Variants in GBA2 observed in about 807,000 individuals in gnomAD.
GBA2 encodes the protein non-lysosomal glucosylceramidase.
A neutral mutation model predicts 112.9 loss-of-function variants in GBA2; 79 were observed. The observed-to-expected ratio is 0.70, with a 90% confidence interval of 0.58 to 0.84. GBA2 has a LOEUF of 0.84. GBA2 is among the 40% of genes least tolerant of loss of function. The probability of loss-of-function intolerance (pLI) is 0.00; values close to 1 mark genes in which losing one functional copy is unlikely to be tolerated. For missense variants in GBA2, 1,043 were observed against 1,190.0 expected, an observed-to-expected ratio of 0.88 and a Z score of 1.82; for synonymous variants, 403 against 434.3, an observed-to-expected ratio of 0.93 and a Z score of 0.90.
chr9:35,742,826 C>T (rs1029467334), intron 3 of GBA2, among the ~76,000 whole-genome samples: 1 of 152,154 alleles, frequency 6.6e-6, no homozygotes, highest in African/African-American at 2.4e-5. Flanking sequence ...GATTAATATC[C>T]CTTTCCCTGG....
chr9:35,744,565 C>T (rs368570397), intron 2 of GBA2, 50 bp downstream of exon 2: 10 of 1,204,830 alleles, frequency 8.3e-6, no homozygotes, highest in South Asian at 1.2e-5. Flanking sequence ...CTGTGGTAGA[C>T]CTGGAGGCTA....
At chr9:35,748,271 T>G in intron 1 of GBA2, 75 bp downstream of exon 1, 1 of 924,704 alleles carries the variant, frequency 1.1e-6, no homozygotes, top group South Asian at 1.6e-5. Flanking sequence ...TTCTTGCCCT[T>G]TCCCACCTCT....
intron 3 of GBA2, 159 bp from the exon 4 acceptor site, chr9:35,742,049 C>T: frequency 3.1e-6 from 2 of 642,280 alleles, no homozygotes; most frequent in Non-Finnish European, 2.8e-6. Context: ...TCACCAAGTC[C>T]TGCTACCTCC....
intron 3 of GBA2, among the ~76,000 whole-genome samples, chr9:35,743,022 A>G (rs1322079783): frequency 6.6e-6 from 1 of 152,254 alleles, no homozygotes; most frequent in Non-Finnish European, 1.5e-5. Flanking sequence ...ATGAGGTATT[A>G]TAAGTAATCT....
intron 3 of GBA2, among the ~76,000 whole-genome samples, chr9:35,744,055 A>C (rs780425328): frequency 1.3e-5 from 2 of 152,134 alleles, no homozygotes; most frequent in African/African-American, 2.4e-5. Flanking sequence ...AGTGAGGTAG[A>C]CAGGAGGCAT....
Position 35,742,611 on chromosome 9 carries a change from C to T in GBA2, c.568-721G>A, listed in dbSNP as rs376040430. On this transcript the variant is annotated intron_variant, in intron 3 of 16. Coordinates refer to ENST00000378103, the MANE Select transcript of GBA2 (RefSeq NM_020944.3). ...GTATGGATTCTTCTGAGGGTAGGGACATTTTTTAATTCACTGATGCACCCT... is the reference window on the plus strand; with the variant it reads ...GTATGGATTCTTCTGAGGGTAGGGATATTTTTTAATTCACTGATGCACCCT... Among the ~76,000 whole-genome samples the T allele has an allele frequency of 3.7e-4, 57 of 152,264 alleles. No individual in the cohort carries two copies. The South Asian group carries it at 0.012, about 32-fold the overall frequency.
chr9:35,737,337 G>C lies in GBA2; in HGVS notation c.2616C>G (p.Phe872Leu), dbSNP rs1250765787. 3 of 1,614,136 alleles carry C rather than the reference G, an allele frequency of 1.9e-6. No individual in the cohort carries two copies. Among genetic ancestry groups the C allele is most frequent in the Non-Finnish European group, 2.5e-6 (3 of 1,180,032 alleles). The change falls in exon 17 of 17, where the codon TTC (phenylalanine) becomes TTG (leucine). Residue 872 changes from phenylalanine to leucine, a missense_variant. Phe to Leu is a conservative substitution (Grantham distance 22). Transcript: ENST00000378103. The surrounding 1 kb of genome is among the most constrained non-coding windows in gnomAD (Gnocchi z 4.1). ...TPEAYCQQRV[F>L]RSLAYMRPLS... ...GTGGCCGCATGTAGGCCAGTGAGCG[G>C]AACACTCGCTGCTGGCAGTATGCCT...
rs189730465 is a variant in GBA2 at position 35,746,646 on chromosome 9, G to T, written c.359+1700C>A. Among the ~76,000 whole-genome samples the T allele has an allele frequency of 1.4e-3, 206 of 152,176 alleles. 2 individuals carry two copies. Among genetic ancestry groups the T allele is most frequent in the Non-Finnish European group, 2.0e-3 (139 of 67,976 alleles). ...CAGCACATTCTAGGGGTGGAAAGAA[G>T]AGGGAAGACAAAGGATGGGATGACA... On this transcript the variant is annotated intron_variant, in intron 1 of 16. Transcript: ENST00000378103. This position sits in a 1 kb window ranked among gnomAD's most constrained non-coding sequence, Gnocchi z 5.2.
chr9:35,744,162 C>T (rs1826849487), intron 3 of GBA2, 135 bp downstream of exon 3: 5 of 660,056 alleles, frequency 7.6e-6, no homozygotes, highest in East Asian at 5.4e-5. Context: ...GCTGGGCACA[C>T]AGGAAGCATC....
chr9:35,739,782 G>A lies in GBA2; in HGVS notation c.1428C>T (p.Tyr476=), dbSNP rs781075990. The A allele has an allele frequency of 6.2e-7, 1 of 1,614,052 alleles. No individual in the cohort carries two copies. The highest frequency in any genetic ancestry group is 8.5e-7 in the Non-Finnish European group (1 of 1,179,910). ...VLDDRSLPAW[Y]KSALFNELYF... Reference sequence around the variant, plus strand: ...ATAGTTCATTGAACAGCGCAGATTTGTACCAGGCAGGCAGTGATCTGGGAA... The same window carrying A: ...ATAGTTCATTGAACAGCGCAGATTTATACCAGGCAGGCAGTGATCTGGGAA... The change falls in exon 9 of 17, where the codon TAC becomes TAT. Residue 476 remains tyrosine, a synonymous_variant. Coordinates refer to ENST00000378103, the MANE Select transcript of GBA2 (RefSeq NM_020944.3).
Position 35,740,411 on chromosome 9 carries a change from G to A in GBA2, c.1130-49C>T. 6.2e-7 allele frequency: 1 copy of A among 1,602,596 alleles called. No homozygotes were observed. ...AGGACAGGAGCCCCTTCAGCCCCAG[G>A]GATAGGGATCCCTAACATGGAAACA... On this transcript the variant is annotated intron_variant, in intron 6 of 16. Transcript: ENST00000378103. The surrounding 1 kb of genome is among the most constrained non-coding windows in gnomAD (Gnocchi z 4.7).
rs1588022768 is a variant in GBA2, at chr9:35,744,346, C to T, written c.518G>A (p.Trp173Ter). The T allele has an allele frequency of 6.2e-7, 1 of 1,613,568 alleles. No individual in the cohort carries two copies. Among genetic ancestry groups the T allele is most frequent in the Non-Finnish European group, 8.5e-7 (1 of 1,179,504 alleles). ...CTGATACATTCCAGGGTTAAGCTGC[C>T]AACGACAGAACTGGCCTCTCCAGCC... The part of the protein sequence containing the change: ...TRGWRGQFCR[W>*]QLNPGMYQHR... Residue 173 changes from tryptophan to a stop codon, truncating the protein, a stop_gained, in exon 3 of 17, where the codon TGG becomes TAG. Coordinates refer to ENST00000378103, the MANE Select transcript of GBA2 (RefSeq NM_020944.3). LOFTEE classifies it high-confidence loss of function.
At position 35,741,599 on chromosome 9, in the gene GBA2, G is replaced by A; in HGVS notation, c.786+73C>T. The A allele has an allele frequency of 9.7e-7, 1 of 1,033,468 alleles. No individual in the cohort carries two copies. Among genetic ancestry groups the A allele is most frequent in the Non-Finnish European group, 1.5e-6 (1 of 650,802 alleles). 64.0% of individuals were successfully genotyped at this position (1,033,468 alleles called of 1,614,324 possible). A position where few individuals can be genotyped will look rare whatever the true frequency, so the allele number is the denominator to read the frequency against. ...AGGCGTGAGCTACCGCGCCTCGCAG[G>A]CCATGCAGTTTCTAGCAGAGGCAGG... is the stretch of plus-strand genomic sequence containing the variant. On this transcript the variant is annotated intron_variant, in intron 4 of 16. Coordinates refer to ENST00000378103, the MANE Select transcript of GBA2 (RefSeq NM_020944.3). This position sits in a 1 kb window ranked among gnomAD's most constrained non-coding sequence, Gnocchi z 4.6.
chr9:35,740,448 T>C lies in GBA2; in HGVS notation c.1129+78A>G. The C allele has an allele frequency of 8.9e-6, 14 of 1,571,862 alleles. No homozygotes were observed. In the South Asian group the frequency reaches 1.3e-4, roughly 15 times the overall value. On this transcript the variant is annotated intron_variant, in intron 6 of 16. Transcript: ENST00000378103. The surrounding 1 kb of genome is among the most constrained non-coding windows in gnomAD (Gnocchi z 4.7). ...CTAACATGGAAACAAGGCCTACTTATTACCAGGCCTCCCACCCCTGGTCCC... is the reference window on the plus strand; with the variant it reads ...CTAACATGGAAACAAGGCCTACTTACTACCAGGCCTCCCACCCCTGGTCCC...
In GBA2 at chr9:35,742,005, C is replaced by T. The variant is rs186852039; in HGVS notation, c.568-115G>A. The T allele has an allele frequency of 0.026, 18,361 of 706,414 alleles. 348 individuals carry two copies. The highest frequency in any genetic ancestry group is 0.038 in the Middle Eastern group (164 of 4,302). The allele number at this position is 706,414 out of a possible 1,614,324, so 43.8% of individuals were successfully genotyped here. On this transcript the variant is annotated intron_variant, in intron 3 of 16. Coordinates refer to ENST00000378103, the MANE Select transcript of GBA2 (RefSeq NM_020944.3). ...GAGCCTGCAACTGTTACCACTGCAC[C>T]ATCAGCTTCAAGTCATCCCCCAGGC...
In GBA2 at chr9:35,737,073, C is replaced by T. The variant is rs1752859069; in HGVS notation, c.*96G>A. On this transcript the variant is annotated 3_prime_UTR_variant, in exon 17 of 17. Coordinates refer to ENST00000378103, the MANE Select transcript of GBA2 (RefSeq NM_020944.3). This position sits in a 1 kb window ranked among gnomAD's most constrained non-coding sequence, Gnocchi z 4.1. ...AGAGAAGGGAAGGGGTATGATTGTC[C>T]TGATGGCTCAGGGTTGCAGGAGGTT... 6.6e-7 allele frequency: 1 copy of T among 1,522,884 alleles called. No homozygotes were observed. The highest frequency in any genetic ancestry group is 1.4e-5 in the African/African-American group (1 of 72,516). 94.3% of individuals were successfully genotyped at this position (1,522,884 alleles called of 1,614,324 possible).
In GBA2 at chr9:35,748,404, A is replaced by G; in HGVS notation, c.301T>C (p.Phe101Leu). 6.2e-7 allele frequency: 1 copy of G among 1,614,180 alleles called. No homozygotes were observed. Among genetic ancestry groups the G allele is most frequent in the Non-Finnish European group, 8.5e-7 (1 of 1,180,000 alleles). The change falls in exon 1 of 17, where the codon TTT (phenylalanine) becomes CTT (leucine). Residue 101 changes from phenylalanine (F) to leucine (L), a missense_variant. Coordinates refer to ENST00000378103, the MANE Select transcript of GBA2 (RefSeq NM_020944.3). ...AHEFTEKRKPFQANNVSLSNM... is the reference protein window; with the variant it reads ...AHEFTEKRKPLQANNVSLSNM... Reference sequence around the variant, plus strand: ...CTTAGGGAGACGTTGTTAGCTTGAAAGGGTTTCCTCTTCTCTGTAAACTCA... The same window carrying G: ...CTTAGGGAGACGTTGTTAGCTTGAAGGGGTTTCCTCTTCTCTGTAAACTCA...
At position 35,740,178 on chromosome 9, in the gene GBA2, C is replaced by G. The variant is rs1826563595; in HGVS notation, c.1283+31G>C. 1 of 1,613,984 alleles carries G rather than the reference C, an allele frequency of 6.2e-7. No homozygotes were observed. The highest frequency in any genetic ancestry group is 2.2e-5 in the East Asian group (1 of 44,880). On this transcript the variant is annotated intron_variant, in intron 7 of 16. Coordinates refer to ENST00000378103, the MANE Select transcript of GBA2 (RefSeq NM_020944.3). The surrounding 1 kb of genome is among the most constrained non-coding windows in gnomAD (Gnocchi z 4.7). ...AGCCCCAGGTCAGAGCCCCAGCACT[C>G]TGGATCCTTACACTTTCTTGGTCCC...
chr9:35,741,140 GCA>G lies in GBA2; in HGVS notation c.787-78_787-77del. 1.3e-6 allele frequency: 2 copies of G among 1,511,530 alleles called. No individual in the cohort carries two copies. Among genetic ancestry groups the G allele is most frequent in the South Asian group, 2.3e-5 (2 of 85,222 alleles). The allele number at this position is 1,511,530 out of a possible 1,614,324, so 93.6% of individuals were successfully genotyped here. On this transcript the variant is annotated intron_variant, in intron 4 of 16. Coordinates refer to ENST00000378103, the MANE Select transcript of GBA2 (RefSeq NM_020944.3). The surrounding 1 kb of genome is among the most constrained non-coding windows in gnomAD (Gnocchi z 4.6). ...CCCACTCTGCTAGGATCAGTCCTGG[GCA>G]CACAGAGGACCTGACTCAAATACTC...
Sources: gnomAD v4.1 joint callset for allele counts (sites outside exome capture counted in the v4.1 genomes callset) on GRCh38, gnomAD v4.1.1 for gene constraint, Gnocchi (gnomAD v3.1) non-coding constraint, MANE v1.5 for transcripts, NCBI Gene and HGNC (gene_info 2026-07-23, HGNC 2026-07-21) for gene names.